Variants in PRPSAP1 observed in about 807,000 individuals in gnomAD.
PRPSAP1 encodes the protein phosphoribosyl pyrophosphate synthetase associated protein 1.
Under a neutral mutation model 39.4 loss-of-function variants are expected in PRPSAP1, and 31 were observed. That is an observed-to-expected ratio of 0.79 (90% CI 0.59 to 1.06). PRPSAP1 has a LOEUF of 1.06. PRPSAP1 is among the 50% of genes least tolerant of loss of function. The pLI is 0.00. For missense variants in PRPSAP1, 430 were observed against 511.6 expected (o/e 0.84, Z 1.54); for synonymous variants, 212 against 192.6 (o/e 1.10, Z -0.83).
At chr17:76,344,646 G>C (rs2071476612) in intron 3 of PRPSAP1, 25 bp downstream of exon 3, 1 of 1,472,132 alleles carries the variant, frequency 6.8e-7, no homozygotes, top group Non-Finnish European at 9.3e-7. Context: ...TTACAGAAAA[G>C]AGATAAAGTA....
chr17:76,320,412 TGCA>T (rs1044513651), intron 7 of PRPSAP1, among the ~76,000 whole-genome samples: 8 of 145,058 alleles, frequency 5.5e-5, no homozygotes, highest in Non-Finnish European at 1.0e-4. Flanking sequence ...TATGTTGCTT[TGCA>T]GATAATGCTT....
intron 2 of PRPSAP1, among the ~76,000 whole-genome samples, chr17:76,345,569 C>T (rs568700923): frequency 2.0e-5 from 3 of 150,458 alleles, no homozygotes; most frequent in Admixed American, 6.7e-5. Context: ...TGAAACTGTG[C>T]CACTGCACTT....
intron 7 of PRPSAP1, among the ~76,000 whole-genome samples, chr17:76,319,097 G>A (rs932994061): frequency 1.3e-5 from 2 of 151,916 alleles, no homozygotes; most frequent in Non-Finnish European, 2.9e-5. Flanking sequence ...GTGCCACCAG[G>A]CCTGGCTAAT....
chr17:76,338,206 TA>T (rs1286854751), intron 3 of PRPSAP1, among the ~76,000 whole-genome samples: 4 of 152,160 alleles, frequency 2.6e-5, no homozygotes, highest in South Asian at 4.1e-4. Flanking sequence ...GTTCCAAAGC[TA>T]TTCCAAGCAA....
At chr17:76,337,336 T>G (rs969997684) in intron 3 of PRPSAP1, 1 of 152,278 alleles carries the variant, frequency 6.6e-6, no homozygotes, top group African/African-American at 2.4e-5. Context: ...CAGCAGCACA[T>G]ATACTAAAAT....
intron 7 of PRPSAP1, among the ~76,000 whole-genome samples, chr17:76,317,567 T>C (rs970400025): frequency 2.0e-5 from 3 of 152,170 alleles, no homozygotes; most frequent in Admixed American, 2.0e-4. Context: ...AAATGAGGTC[T>C]TCTGTAGAAC....
rs896910473 is a variant in PRPSAP1, at chr17:76,309,854, T to G, written c.*1688A>C. 1.3e-5 allele frequency: 2 copies of G among 152,226 alleles called. No individual in the cohort carries two copies. Among genetic ancestry groups the G allele is most frequent in the African/African-American group, 4.8e-5 (2 of 41,460 alleles). The allele number at this position is 152,226 out of a possible 1,614,324, so 9.4% of individuals were successfully genotyped here. On this transcript the variant is annotated 3_prime_UTR_variant, in exon 10 of 10. Transcript: ENST00000446526. ...ATAACTGTACTATTTTAACTACTGT[T>G]CAAGTTCAGATTTTTCACTTCAGCC... is the stretch of plus-strand genomic sequence containing the variant.
At chr17:76,349,357 T>G (rs1030181847) in intron 1 of PRPSAP1, among the ~76,000 whole-genome samples, 2 of 151,714 alleles carry the variant, frequency 1.3e-5, no homozygotes, top group African/African-American at 4.8e-5. Context: ...GGACAAAGAC[T>G]AGATACTACA....
intron 3 of PRPSAP1, among the ~76,000 whole-genome samples, chr17:76,343,346 C>T (rs1187603561): frequency 5.9e-5 from 9 of 152,344 alleles, no homozygotes; most frequent in African/African-American, 1.2e-4. Context: ...GCAAGGGCGA[C>T]GATCTCTGAA....
intron 1 of PRPSAP1, among the ~76,000 whole-genome samples, chr17:76,351,530 A>C (rs2071572256): frequency 1.3e-5 from 2 of 148,608 alleles, no homozygotes; most frequent in Non-Finnish European, 3.0e-5. Flanking sequence ...AAAACAAAAA[A>C]CAAAAAACTA....
chr17:76,344,497 C>A (rs1293032300), intron 3 of PRPSAP1, among the ~76,000 whole-genome samples, 174 bp downstream of exon 3: 1 of 152,210 alleles, frequency 6.6e-6, no homozygotes, highest in Non-Finnish European at 1.5e-5. Flanking sequence ...GAACTCCTGA[C>A]CTCGTGATCC....
chr17:76,335,469 C>T (rs2071368008), intron 3 of PRPSAP1, among the ~76,000 whole-genome samples: 1 of 152,072 alleles, frequency 6.6e-6, no homozygotes, highest in Non-Finnish European at 1.5e-5. Flanking sequence ...AATTCTCCTG[C>T]CTCAGCCTCT....
rs534745868 is a variant in PRPSAP1, at chr17:76,332,307, C to A, written c.419G>T (p.Gly140Val). 6.8e-6 allele frequency: 11 copies of A among 1,614,158 alleles called. No individual in the cohort carries two copies. In the South Asian group the frequency reaches 1.1e-4, roughly 16 times the overall value. ...YSKQSKMRKR[G>V]SIVCKLLASM... ...TGCTAGCAGCTTGCACACAATGGAA[C>A]CCCTCTTCCTCATCTTGCTCTGCTT... The change falls in exon 4 of 10, where the codon GGT (glycine) becomes GTT (valine). Residue 140 changes from glycine to valine, a missense_variant. This residue lies in a region of PRPSAP1 where 278 missense variants were observed against 376.3 expected (regional missense o/e 0.74). Transcript: ENST00000446526.
At chr17:76,330,186 G>T in intron 5 of PRPSAP1, 88 bp from the exon 6 acceptor site, 2 of 1,159,382 alleles carry the variant, frequency 1.7e-6, no homozygotes, top group South Asian at 1.3e-5. Flanking sequence ...CTCTTATAAT[G>T]ATCCAAACTA....
At chr17:76,314,236 T>A (rs947979901) in intron 7 of PRPSAP1, 6 of 235,672 alleles carry the variant, frequency 2.5e-5, no homozygotes, top group African/African-American at 3.8e-5. Context: ...ATGTATTTTT[T>A]GAGACGGAGT....
intron 7 of PRPSAP1, among the ~76,000 whole-genome samples, chr17:76,317,655 G>A (rs1245345116): frequency 6.6e-6 from 1 of 152,186 alleles, no homozygotes; most frequent in Non-Finnish European, 1.5e-5. Context: ...ATGCTCAAGA[G>A]GTGCCAATGT....
chr17:76,340,715 A>T (rs1239965168), intron 3 of PRPSAP1, among the ~76,000 whole-genome samples: 1 of 151,860 alleles, frequency 6.6e-6, no homozygotes, highest in Non-Finnish European at 1.5e-5. Context: ...ACATGGAGAA[A>T]CCCCGTCACT....
At position 76,347,484 on chromosome 17, in the gene PRPSAP1, CAAAAAAAA is replaced by C. The variant is rs71161289; in HGVS notation, c.223+1037_223+1044del. On this transcript the variant is annotated intron_variant, in intron 2 of 9. Coordinates refer to ENST00000446526, the MANE Select transcript of PRPSAP1 (RefSeq NM_002766.3). ...CCTGGGTGACAGAGCAAGACTCCGTCAAAAAAAAAAAAAAAAAAAAAAAAAAAAGAAAG... is the reference window on the plus strand; with the variant it reads ...CCTGGGTGACAGAGCAAGACTCCGTCAAAAAAAAAAAAAAAAAAAAGAAAG... Among the ~76,000 whole-genome samples, 10 of 25,222 alleles carry C rather than the reference CAAAAAAAA, an allele frequency of 4.0e-4. 1 individual carries two copies. Among genetic ancestry groups the C allele is most frequent in the South Asian group, 4.6e-3 (2 of 432 alleles). 16.5% of individuals were successfully genotyped at this position (25,222 alleles called of 152,430 possible).
At chr17:76,353,345 C>G (rs2071600660) in intron 1 of PRPSAP1, 189 bp downstream of exon 1, 1 of 588,640 alleles carries the variant, frequency 1.7e-6, no homozygotes, top group Non-Finnish European at 2.8e-6. Context: ...CCGCCCCAAG[C>G]CTCCCAGCTG....
Sources: gnomAD v4.1 joint callset for allele counts (sites outside exome capture counted in the v4.1 genomes callset) on GRCh38, gnomAD v4.1.1 for gene constraint, gnomAD v4.1.1 regional missense constraint, MANE v1.5 for transcripts, NCBI Gene and HGNC (gene_info 2026-07-23, HGNC 2026-07-21) for gene names.